The following MASP1 variants were observed in gnomAD, a reference collection of about 807,000 sequenced individuals.
The protein encoded by MASP1 is mannan-binding lectin serine protease 1.
In MASP1, 59 loss-of-function variants were observed where a neutral mutation model predicts 77.1. The observed-to-expected ratio is 0.77, with a 90% CI of 0.62 to 0.95. The LOEUF is 0.95. Among genes scored for constraint, MASP1 ranks in the 40% least tolerant of loss-of-function variants. The pLI is 0.00. For synonymous variants in MASP1, 362 were observed against 354.5 expected, an observed-to-expected ratio of 1.02 and a Z score of -0.24; for missense variants, 885 against 912.9, an observed-to-expected ratio of 0.97 and a Z score of 0.39.
intron 8 of MASP1, chr3:187,247,075 C>T: frequency 7.2e-7 from 1 of 1,392,232 alleles, no homozygotes; most frequent in Non-Finnish European, 9.3e-7. Context: ...CTCAGAGGTG[C>T]TAAAATAAAT....
intron 8 of MASP1, chr3:187,246,990 A>G: frequency 4.1e-6 from 5 of 1,217,946 alleles, no homozygotes; most frequent in Non-Finnish European, 5.2e-6. Context: ...GCCTGAGGCC[A>G]CATGGTTGTA....
At chr3:187,225,003 A>G (rs1370364706) in intron 13 of MASP1, among the ~76,000 whole-genome samples, 1 of 152,292 alleles carries the variant, frequency 6.6e-6, no homozygotes, top group Admixed American at 6.5e-5. Context: ...TTCTTCCTGC[A>G]GGTACCATCT....
chr3:187,285,875 T>C lies in MASP1; in HGVS notation c.187A>G (p.Met63Val), dbSNP rs1184974017. Residue 63 changes from methionine (M) to valine (V), a missense_variant, in exon 2 of 11, where the codon ATG (methionine) becomes GTG (valine). Physicochemically the swap from Met to Val is conservative, Grantham distance 21. Transcript: ENST00000296280. ...PDGFRIKLYF[M>V]HFNLESSYLC... ...TAGGAGGATTCCAAGTTGAAGTGCA[T>C]GAAGTAAAGCTTGATCCGAAACCCA... 3.1e-6 allele frequency: 5 copies of C among 1,614,172 alleles called. No homozygotes were observed. Among genetic ancestry groups the C allele is most frequent in the Non-Finnish European group, 4.2e-6 (5 of 1,180,024 alleles).
intron 13 of MASP1, among the ~76,000 whole-genome samples, chr3:187,224,340 A>ATTTTTTTTT (rs1181826969): frequency 9.8e-6 from 1 of 102,064 alleles, no homozygotes; most frequent in African/African-American, 3.9e-5. Context: ...TGTGCTGAGT[A>ATTTTTTTTT]TTTTTTTTTT....
At chr3:187,228,140 A>C (rs1038134198) in intron 11 of MASP1, among the ~76,000 whole-genome samples, 3 of 152,142 alleles carry the variant, frequency 2.0e-5, no homozygotes, top group Non-Finnish European at 4.4e-5. Flanking sequence ...CATGGTGGAC[A>C]TTAGTGGACT....
Position 187,236,258 on chromosome 3 carries a change from C to T in MASP1, c.1613G>A (p.Arg538Gln), listed in dbSNP as rs574150268. 3.0e-5 allele frequency: 48 copies of T among 1,614,220 alleles called. 1 individual carries two copies. In the Middle Eastern group the frequency reaches 6.6e-4, roughly 22 times the overall value. Residue 538 changes from arginine to glutamine, a missense_variant, in exon 11 of 11, where the codon CGA becomes CAA. Coordinates refer to ENST00000296280, the MANE Select transcript of MASP1 (RefSeq NM_139125.4). ...GTTGAAGTCTGGGTGGAGCACCACT[C>T]GGGCAGCTGAGCTGTTGACTGCCCC... is the stretch of plus-strand genomic sequence containing the variant. Reference protein sequence around the residue: ...KSGAVNSSAARVVLHPDFNIQ... With the variant: ...KSGAVNSSAAQVVLHPDFNIQ...
At chr3:187,251,399 C>T (rs559382428) in intron 7 of MASP1, 41 of 525,936 alleles carry the variant, frequency 7.8e-5, no homozygotes, top group African/African-American at 7.7e-4. Flanking sequence ...TTCAAACCAG[C>T]TCATGCTCTG....
chr3:187,224,173 T>C (rs987571952), intron 13 of MASP1, among the ~76,000 whole-genome samples: 1 of 152,142 alleles, frequency 6.6e-6, no homozygotes. Context: ...CTGACATGGG[T>C]CACCTATGTT....
intron 13 of MASP1, among the ~76,000 whole-genome samples, chr3:187,223,709 C>G (rs2108500401): frequency 6.6e-6 from 1 of 152,306 alleles, no homozygotes; most frequent in Middle Eastern, 3.4e-3. Flanking sequence ...AGTTGACATT[C>G]TAGAAGTCTA....
Position 187,256,655 on chromosome 3 carries a change from C to A in MASP1, c.744+9G>T. 1 of 1,613,600 alleles carries A rather than the reference C, an allele frequency of 6.2e-7. No homozygotes were observed. Among genetic ancestry groups the A allele is most frequent in the South Asian group, 1.1e-5 (1 of 91,042 alleles). On this transcript the variant is annotated intron_variant, in intron 5 of 10. Coordinates refer to ENST00000296280, the MANE Select transcript of MASP1 (RefSeq NM_139125.4). The stretch of plus-strand genomic sequence containing the variant: ...GCATCTCCAGGACAAGTGTTCATTG[C>A]AGGCTCACCTTGATGTAGTCATAGG...
chr3:187,233,907 G>A (rs975161378), downstream of MASP1, among the ~76,000 whole-genome samples: 1 of 152,232 alleles, frequency 6.6e-6, no homozygotes, highest in Non-Finnish European at 1.5e-5. Context: ...GAAGGAGACA[G>A]ATCAATAACC....
chr3:187,274,014 C>T (rs940763858), intron 2 of MASP1, among the ~76,000 whole-genome samples: 3 of 152,110 alleles, frequency 2.0e-5, no homozygotes, highest in African/African-American at 7.2e-5. Context: ...TCAAGACCAG[C>T]CTGGCCAACA....
chr3:187,233,178 G>C (rs1712873111), downstream of MASP1, among the ~76,000 whole-genome samples: 1 of 152,114 alleles, frequency 6.6e-6, no homozygotes, highest in African/African-American at 2.4e-5. Context: ...ACACCATGCT[G>C]CCCACCCTCA....
At chr3:187,284,581 C>T (rs1717695600) in intron 2 of MASP1, among the ~76,000 whole-genome samples, 1 of 152,158 alleles carries the variant, frequency 6.6e-6, no homozygotes, top group Non-Finnish European at 1.5e-5. Flanking sequence ...AATGACAATA[C>T]TCTACATATA....
chr3:187,237,187 A>T (rs2108515474), intron 10 of MASP1, among the ~76,000 whole-genome samples: 1 of 152,342 alleles, frequency 6.6e-6, no homozygotes, highest in Non-Finnish European at 1.5e-5. Context: ...TTTGGTCACA[A>T]TGATCTCCAG....
exon 12 of MASP1, chr3:187,226,455 G>A: frequency 6.2e-7 from 1 of 1,613,110 alleles, no homozygotes; most frequent in Non-Finnish European, 8.5e-7. Context: ...GAATCACGTA[G>A]GGTCGGATCT....
chr3:187,228,179 C>G (rs955701306), intron 11 of MASP1, among the ~76,000 whole-genome samples: 2 of 150,984 alleles, frequency 1.3e-5, no homozygotes, highest in African/African-American at 4.9e-5. Flanking sequence ...CCTAGCTACT[C>G]GGGAGGCTGA....
Position 187,256,790 on chromosome 3 carries a change from G to A in MASP1, c.618C>T (p.Tyr206=), listed in dbSNP as rs1238702511. Residue 206 remains tyrosine, a synonymous_variant, in exon 5 of 11, where the codon TAC becomes TAT. Coordinates refer to ENST00000296280, the MANE Select transcript of MASP1 (RefSeq NM_139125.4). ...TATACAGGCATTCAGAGCTCTTGGG[G>A]TAAGGGTTTGGGAAGTCAGGGCTGG... ...VITSPDFPNP[Y]PKSSECLYTI... The A allele has an allele frequency of 1.1e-5, 17 of 1,613,878 alleles. No homozygotes were observed. Among genetic ancestry groups the A allele is most frequent in the Non-Finnish European group, 1.4e-5 (17 of 1,180,022 alleles).
At chr3:187,260,911 G>C (rs1317398581) in intron 3 of MASP1, 39 bp from the exon 4 acceptor site, 4 of 1,613,102 alleles carry the variant, frequency 2.5e-6, no homozygotes, top group Non-Finnish European at 3.4e-6. Flanking sequence ...ATACATGCAT[G>C]ATGATGAAGA....
Sources: gnomAD v4.1 joint callset for allele counts (sites outside exome capture counted in the v4.1 genomes callset) on GRCh38, gnomAD v4.1.1 for gene constraint, MANE v1.5 for transcripts, NCBI Gene and HGNC (gene_info 2026-07-23, HGNC 2026-07-21) for gene names.